The following IRAK1BP1 variants were observed in gnomAD, a reference collection of about 807,000 sequenced individuals.
The protein encoded by IRAK1BP1 is interleukin 1 receptor associated kinase 1 binding protein 1.
A neutral mutation model predicts 28.0 loss-of-function variants in IRAK1BP1; 24 were observed. That is an observed-to-expected ratio of 0.86 (90% CI 0.62 to 1.20). The LOEUF (loss-of-function observed/expected upper bound fraction) is 1.20, where lower values mean the gene tolerates loss of function less well. Among genes scored for constraint, IRAK1BP1 ranks in the 50% most tolerant of loss-of-function variants. The probability of loss-of-function intolerance (pLI) is 0.00; values close to 1 mark genes in which losing one functional copy is unlikely to be tolerated. For missense variants in IRAK1BP1, 336 were observed against 316.7 expected (o/e 1.06, Z -0.46); for synonymous variants, 131 against 116.3 (o/e 1.13, Z -0.81).
At chr6:78,925,810 G>A (rs1772872371) in intron 4 of IRAK1BP1, among the ~76,000 whole-genome samples, 1 of 152,096 alleles carries the variant, frequency 6.6e-6, no homozygotes, top group Non-Finnish European at 1.5e-5. Context: ...CACTGGTGGA[G>A]TGGATAAAGA....
Position 78,898,182 on chromosome 6 carries a change from T to G in IRAK1BP1, c.631T>G (p.Trp211Gly). ...LLIKEEETKE[W>G]EGQIDDHQSS... ...AATCAAAGAAGAAGAAACAAAAGAA[T>G]GGGAAGGCCAAATAGATGATCACCA... The change falls in exon 4 of 4, where the codon TGG becomes GGG. Residue 211 changes from tryptophan to glycine, a missense_variant. Coordinates refer to ENST00000369940, the MANE Select transcript of IRAK1BP1 (RefSeq NM_001010844.4). 1 of 1,613,462 alleles carries G rather than the reference T, an allele frequency of 6.2e-7. No individual in the cohort carries two copies. Among genetic ancestry groups the G allele is most frequent in the African/African-American group, 1.3e-5 (1 of 74,858 alleles).
At chr6:78,897,395 C>T (rs191943936) in intron 2 of IRAK1BP1, among the ~76,000 whole-genome samples, 73 of 152,100 alleles carry the variant, frequency 4.8e-4, no homozygotes, top group African/African-American at 1.7e-3. Context: ...ACATTAGCTT[C>T]CACATATAGA....
At chr6:78,974,322 A>C in the IRAK1BP1 span, among the ~76,000 whole-genome samples, 1 of 151,918 alleles carries the variant, frequency 6.6e-6, no homozygotes, top group Admixed American at 6.6e-5. Context: ...TGTTCTTTGA[A>C]ACCAACGAGA....
chr6:78,975,945 C>T, the IRAK1BP1 span, among the ~76,000 whole-genome samples: 1 of 151,258 alleles, frequency 6.6e-6, no homozygotes, highest in Non-Finnish European at 1.5e-5. Flanking sequence ...AATGGCCATA[C>T]TGCCCAAGGT....
At chr6:78,951,003 T>C (rs1360161587), downstream of IRAK1BP1, among the ~76,000 whole-genome samples, 1 of 152,166 alleles carries the variant, frequency 6.6e-6, no homozygotes, top group Admixed American at 6.5e-5. Context: ...TTTCCCTGCA[T>C]TGCTTTAACT....
the IRAK1BP1 span, among the ~76,000 whole-genome samples, chr6:78,977,556 T>A: frequency 6.7e-6 from 1 of 150,236 alleles, no homozygotes; most frequent in Non-Finnish European, 1.5e-5. Flanking sequence ...TGTCTGGAAC[T>A]TTAAATGATG....
At chr6:78,954,872 A>G in the IRAK1BP1 span, 1 of 1,585,640 alleles carries the variant, frequency 6.3e-7, no homozygotes, top group Non-Finnish European at 8.6e-7. Flanking sequence ...ACATTGAAAT[A>G]TGAGATTTAA....
the IRAK1BP1 span, chr6:78,955,720 C>T: frequency 4.3e-6 from 3 of 696,206 alleles, no homozygotes; most frequent in East Asian, 2.7e-5. Flanking sequence ...AAGATTAGAA[C>T]CATGATAATT....
Position 78,935,474 on chromosome 6 carries a change from T to C in IRAK1BP1, c.*68-9934T>C, listed in dbSNP as rs560147456. The C allele has an allele frequency of 3.9e-5, 38 of 976,036 alleles. No homozygotes were observed. The African/African-American group carries it at 6.3e-4, about 16-fold the overall frequency. The allele number at this position is 976,036 out of a possible 1,614,324, so 60.5% of individuals were successfully genotyped here. A position where few individuals can be genotyped will look rare whatever the true frequency, so the allele number is the denominator to read the frequency against. On this transcript the variant is annotated intron_variant and NMD_transcript_variant, in intron 4 of 4. Transcript: ENST00000606868. Reference sequence around the variant, plus strand: ...CTTTTTTCCCAGAAATTGCACATTTTTGAGAAAATATTTATGCAAAGTGTT... The same window carrying C: ...CTTTTTTCCCAGAAATTGCACATTTCTGAGAAAATATTTATGCAAAGTGTT...
the IRAK1BP1 span, among the ~76,000 whole-genome samples, chr6:78,970,512 A>G: frequency 6.6e-6 from 1 of 152,210 alleles, no homozygotes; most frequent in African/African-American, 2.4e-5. Context: ...TTACGAATAC[A>G]AAGCTTACTT....
the IRAK1BP1 span, among the ~76,000 whole-genome samples, chr6:78,965,129 C>A: frequency 6.6e-6 from 1 of 152,146 alleles, no homozygotes; most frequent in East Asian, 1.9e-4. Flanking sequence ...TTATTAATTA[C>A]AACTATATCT....
At chr6:78,935,834 A>C (rs763846179) in intron 4 of IRAK1BP1, 12 of 690,036 alleles carry the variant, frequency 1.7e-5, no homozygotes, top group Non-Finnish European at 2.1e-5. Context: ...AAAACTTTAA[A>C]AAGCAAATAA....
At chr6:78,947,971 T>C (rs1773921251), downstream of IRAK1BP1, among the ~76,000 whole-genome samples, 1 of 151,732 alleles carries the variant, frequency 6.6e-6, no homozygotes, top group Non-Finnish European at 1.5e-5. Flanking sequence ...TATACTGCAA[T>C]CAACAATAAT....
At chr6:78,873,425 C>T (rs1185079498) in intron 1 of IRAK1BP1, among the ~76,000 whole-genome samples, 2 of 151,118 alleles carry the variant, frequency 1.3e-5, no homozygotes. Context: ...TTTTTTCTAC[C>T]TTTGTATATA....
chr6:78,869,663 T>A (rs1435054035), intron 1 of IRAK1BP1, among the ~76,000 whole-genome samples: 3 of 152,246 alleles, frequency 2.0e-5, no homozygotes, highest in African/African-American at 4.8e-5. Context: ...GTTCAGGAGA[T>A]AATACAAAAT....
the IRAK1BP1 span, among the ~76,000 whole-genome samples, chr6:78,963,760 T>C: frequency 6.6e-6 from 1 of 152,220 alleles, no homozygotes; most frequent in Non-Finnish European, 1.5e-5. Flanking sequence ...CTTGAATCTT[T>C]AACAGTTTTA....
chr6:78,929,896 A>G (rs1342822668), intron 4 of IRAK1BP1, among the ~76,000 whole-genome samples: 1 of 150,790 alleles, frequency 6.6e-6, no homozygotes, highest in Non-Finnish European at 1.5e-5. Flanking sequence ...AACATAAAAC[A>G]CATGTTCAAA....
chr6:78,952,389 A>C, the IRAK1BP1 span, among the ~76,000 whole-genome samples: 1 of 149,708 alleles, frequency 6.7e-6, no homozygotes, highest in Non-Finnish European at 1.5e-5. Flanking sequence ...ACTGCACTCC[A>C]GCCTGGAGAC....
Position 78,902,060 on chromosome 6 carries a change from A to C in IRAK1BP1, c.*3726A>C, listed in dbSNP as rs1488639916. On this transcript the variant is annotated 3_prime_UTR_variant, in exon 4 of 4. Transcript: ENST00000369940. ...AAGCAAATGCTTTATTTATTCCAAC[A>C]AAAAAAGACCTATATAAATTAGTTT... 1 of 152,160 alleles carries C rather than the reference A, an allele frequency of 6.6e-6. No individual in the cohort carries two copies. The highest frequency in any genetic ancestry group is 1.5e-5 in the Non-Finnish European group (1 of 68,034). The allele number at this position is 152,160 out of a possible 1,614,324, so 9.4% of individuals were successfully genotyped here.
Sources: gnomAD v4.1 joint callset for allele counts (sites outside exome capture counted in the v4.1 genomes callset) on GRCh38, gnomAD v4.1.1 for gene constraint, MANE v1.5 for transcripts, NCBI Gene and HGNC (gene_info 2026-07-23, HGNC 2026-07-21) for gene names.